The following MAN2A2 variants were observed in gnomAD, a reference collection of about 807,000 sequenced individuals.
MAN2A2 encodes alpha-mannosidase 2x.
MAN2A2 carries 79 observed loss-of-function variants against 126.8 expected under a neutral mutation model. The ratio of observed to expected loss-of-function variants is 0.62; its 90% confidence interval spans 0.52 to 0.75. MAN2A2 has a LOEUF of 0.75. MAN2A2 is among the 30% of genes least tolerant of loss of function. MAN2A2 has a pLI of 0.00. For missense variants in MAN2A2, 1,392 were observed against 1,522.4 expected (o/e 0.91, Z 1.43); for synonymous variants, 671 against 618.7 (o/e 1.08, Z -1.25).
chr15:90,917,307 C>T (rs2151327987), intron 20 of MAN2A2, among the ~76,000 whole-genome samples: 1 of 152,298 alleles, frequency 6.6e-6, no homozygotes, highest in South Asian at 2.1e-4. Flanking sequence ...GGGCAGACGG[C>T]AGAGCACCTT....
At chr15:90,907,023 C>G in intron 7 of MAN2A2, 110 bp downstream of exon 7, 1 of 1,334,652 alleles carries the variant, frequency 7.5e-7, no homozygotes, top group South Asian at 1.3e-5. Flanking sequence ...CCTGCAGGCA[C>G]TGGTGTGGAC....
chr15:90,916,169 C>T lies in MAN2A2; in HGVS notation c.2907C>T (p.Asn969=), dbSNP rs145973692. 573 of 1,614,136 alleles carry T rather than the reference C, an allele frequency of 3.5e-4. 4 individuals are homozygous for T. In the African/African-American group the frequency reaches 6.9e-3, roughly 20 times the overall value. Residue 969 remains asparagine (N), a synonymous_variant, in exon 20 of 23, where the codon AAC becomes AAT. Transcript: ENST00000559717. The part of the protein sequence containing the change: ...ILDRRLMQDD[N]RGLGQGLKDN... ...ACCGGCGGCTGATGCAGGATGACAACCGGGGCCTAGGCCAAGGGCTCAAGG... is the reference window on the plus strand; with the variant it reads ...ACCGGCGGCTGATGCAGGATGACAATCGGGGCCTAGGCCAAGGGCTCAAGG...
chr15:90,904,040 C>A (rs1332582204), intron 1 of MAN2A2, 150 bp from the exon 2 acceptor site: 1 of 823,830 alleles, frequency 1.2e-6, no homozygotes, highest in Non-Finnish European at 2.1e-6. Flanking sequence ...ACCAGGTGGG[C>A]CAGCCTCAGA....
chr15:90,920,544 G>C lies in MAN2A2; in HGVS notation c.*757G>C, dbSNP rs529471468. 1 of 152,304 alleles carries C rather than the reference G, an allele frequency of 6.6e-6. No individual in the cohort carries two copies. Among genetic ancestry groups the C allele is most frequent in the Non-Finnish European group, 1.5e-5 (1 of 68,112 alleles). 9.4% of individuals were successfully genotyped at this position (152,304 alleles called of 1,614,324 possible). ...TACTGATTTGTGGGATGGTGGCAGGGGTGTGGGGTCCTTCACCCTGCCTGA... is the reference window on the plus strand; with the variant it reads ...TACTGATTTGTGGGATGGTGGCAGGCGTGTGGGGTCCTTCACCCTGCCTGA... On this transcript the variant is annotated 3_prime_UTR_variant, in exon 23 of 23. Coordinates refer to ENST00000559717, the MANE Select transcript of MAN2A2 (RefSeq NM_006122.4).
chr15:90,910,522 C>T lies in MAN2A2; in HGVS notation c.1599C>T (p.Ser533=). 3 of 1,613,994 alleles carry T rather than the reference C, an allele frequency of 1.9e-6. No individual in the cohort carries two copies. Among genetic ancestry groups the T allele is most frequent in the Non-Finnish European group, 2.5e-6 (3 of 1,180,022 alleles). ...AHLRGAEVLY[S]LAAAHARRSG... is the part of the protein sequence containing the mutation. Reference sequence around the variant, plus strand: ...GCAGGGGGGCAGAGGTTCTGTACAGCCTGGCTGCAGCTCACGCTCGCCGCT... The same window carrying T: ...GCAGGGGGGCAGAGGTTCTGTACAGTCTGGCTGCAGCTCACGCTCGCCGCT... The change falls in exon 11 of 23, where the codon AGC becomes AGT. Residue 533 remains serine, a synonymous_variant. Coordinates refer to ENST00000559717, the MANE Select transcript of MAN2A2 (RefSeq NM_006122.4).
chr15:90,918,570 T>G, intron 21 of MAN2A2, 75 bp from the exon 22 acceptor site: 1 of 1,260,374 alleles, frequency 7.9e-7, no homozygotes, highest in South Asian at 1.3e-5. Context: ...GCACTGCCTC[T>G]GGGCAGAGGC....
At chr15:90,913,439 C>T in intron 18 of MAN2A2, 33 bp downstream of exon 18, 1 of 1,577,782 alleles carries the variant, frequency 6.3e-7, no homozygotes, top group Non-Finnish European at 8.7e-7. Flanking sequence ...GGAGACCCCA[C>T]AGAGTAGAAC....
intron 2 of MAN2A2, among the ~76,000 whole-genome samples, chr15:90,904,982 G>A (rs866174257): frequency 2.0e-4 from 31 of 152,300 alleles, no homozygotes; most frequent in South Asian, 6.2e-4. Context: ...AGGCAACACC[G>A]ATTGTTGAGA....
intron 20 of MAN2A2, 56 bp from the exon 21 acceptor site, chr15:90,918,138 C>T: frequency 6.5e-7 from 1 of 1,526,758 alleles, no homozygotes; most frequent in Middle Eastern, 1.7e-4. Flanking sequence ...CCTGCCTCGT[C>T]CTCTCCCCTC....
chr15:90,905,815 T>A, intron 4 of MAN2A2, 30 bp from the exon 5 acceptor site: 2 of 1,578,758 alleles, frequency 1.3e-6, no homozygotes, highest in Non-Finnish European at 1.7e-6. Flanking sequence ...GATGGTGGCA[T>A]CCTCAGGGGA....
chr15:90,916,277 C>G (rs753451321), intron 20 of MAN2A2, 21 bp downstream of exon 20: 1 of 1,610,156 alleles, frequency 6.2e-7, no homozygotes, highest in Non-Finnish European at 8.5e-7. Context: ...GGGCTGACGC[C>G]CAGGGAGCCA....
chr15:90,909,572 G>A, intron 9 of MAN2A2, 68 bp downstream of exon 9: 1 of 1,469,136 alleles, frequency 6.8e-7, no homozygotes. Flanking sequence ...GTGAGACCGT[G>A]CCCTGGGTTC....
At chr15:90,907,762 T>C (rs1181256754) in intron 8 of MAN2A2, among the ~76,000 whole-genome samples, 4 of 152,298 alleles carry the variant, frequency 2.6e-5, no homozygotes, top group African/African-American at 9.6e-5. Context: ...GATTCCCAGG[T>C]TAGATGTATG....
In MAN2A2 at chr15:90,911,505, C is replaced by T. The variant is rs755408196; in HGVS notation, c.2064C>T (p.Ser688=). Residue 688 remains serine, a synonymous_variant, in exon 14 of 23, where the codon AGC becomes AGT. Coordinates refer to ENST00000559717, the MANE Select transcript of MAN2A2 (RefSeq NM_006122.4). ...EEGQPLAVQI[S]AHWSSATEAV... ...GTCAGCCCCTGGCCGTGCAGATCAG[C>T]GCACACTGGAGCTCTGCCACCGAGG... 7.4e-6 allele frequency: 12 copies of T among 1,613,998 alleles called. No homozygotes were observed. Among genetic ancestry groups the T allele is most frequent in the Non-Finnish European group, 9.3e-6 (11 of 1,180,006 alleles).
At chr15:90,919,143 A>G (rs1188465565) in intron 22 of MAN2A2, among the ~76,000 whole-genome samples, 3 of 152,234 alleles carry the variant, frequency 2.0e-5, no homozygotes. Context: ...CTGTTTTCAC[A>G]GAGCTCACAG....
At position 90,921,172 on chromosome 15, in the gene MAN2A2, A is replaced by G. The variant is rs1293412456; in HGVS notation, c.*1385A>G. On this transcript the variant is annotated 3_prime_UTR_variant, in exon 23 of 23. Coordinates refer to ENST00000559717, the MANE Select transcript of MAN2A2 (RefSeq NM_006122.4). ...ATAATTGTCATTATTTGTAGACAAT[A>G]AAACTGCCTACCTGTAAAACCTAAG... The G allele has an allele frequency of 6.6e-6, 1 of 152,268 alleles. No homozygotes were observed. Among genetic ancestry groups the G allele is most frequent in the Non-Finnish European group, 1.5e-5 (1 of 68,054 alleles). The allele number at this position is 152,268 out of a possible 1,614,324, so 9.4% of individuals were successfully genotyped here.
chr15:90,907,970 G>A (rs2034433694), intron 8 of MAN2A2, among the ~76,000 whole-genome samples: 1 of 152,216 alleles, frequency 6.6e-6, no homozygotes. Flanking sequence ...GGCCCCGGGG[G>A]AAAGTGTTAG....
chr15:90,907,070 C>G (rs762295306), intron 7 of MAN2A2, 157 bp downstream of exon 7: 3 of 990,100 alleles, frequency 3.0e-6, no homozygotes, highest in Non-Finnish European at 4.5e-6. Flanking sequence ...TAGGGGAGGG[C>G]CATATTGACC....
In MAN2A2 at chr15:90,905,862, G is replaced by C; in HGVS notation, c.553G>C (p.Asp185His). The change falls in exon 5 of 23, where the codon GAC (aspartate) becomes CAC (histidine). Residue 185 changes from aspartate (D) to histidine (H), a missense_variant. Asp to His is a moderately conservative substitution (Grantham distance 81). Coordinates refer to ENST00000559717, the MANE Select transcript of MAN2A2 (RefSeq NM_006122.4). Reference sequence around the variant, plus strand: ...CTCCCTAGGCTGGATCAAGACCTTTGACAAGTACTACACAGAGCAGACCCA... The same window carrying C: ...CTCCCTAGGCTGGATCAAGACCTTTCACAAGTACTACACAGAGCAGACCCA... Reference protein sequence around the residue: ...HNDPGWIKTFDKYYTEQTQHI... With the variant: ...HNDPGWIKTFHKYYTEQTQHI... The C allele has an allele frequency of 6.3e-7, 1 of 1,578,736 alleles. No individual in the cohort carries two copies. Among genetic ancestry groups the C allele is most frequent in the Non-Finnish European group, 8.6e-7 (1 of 1,162,038 alleles).
Sources: gnomAD v4.1 joint callset for allele counts (sites outside exome capture counted in the v4.1 genomes callset) on GRCh38, gnomAD v4.1.1 for gene constraint, MANE v1.5 for transcripts, NCBI Gene and HGNC (gene_info 2026-07-23, HGNC 2026-07-21) for gene names.